BRSK2: variants seen among roughly 807,000 people sequenced by gnomAD.
BRSK2 encodes the protein serine/threonine-protein kinase BRSK2.
In BRSK2, 19 loss-of-function variants were observed where a neutral mutation model predicts 83.3. The observed-to-expected ratio is 0.23, with a 90% CI of 0.16 to 0.33. The LOEUF (loss-of-function observed/expected upper bound fraction) is 0.33. Among genes scored for constraint, BRSK2 ranks in the 10% least tolerant of loss-of-function variants. BRSK2 has a pLI of 1.00. For missense variants in BRSK2, 798 were observed against 1,042.3 expected (o/e 0.77, Z 3.23); for synonymous variants, 519 against 435.4 (o/e 1.19, Z -2.39).
chr11:1,402,138 C>A (rs575895312), intron 1 of BRSK2, among the ~76,000 whole-genome samples: 1 of 152,174 alleles, frequency 6.6e-6, no homozygotes, highest in Non-Finnish European at 1.5e-5. Flanking sequence ...GTGTGGGTGC[C>A]GGAGAGCAGG....
intron 1 of BRSK2, among the ~76,000 whole-genome samples, chr11:1,407,526 C>T (rs1846973823): frequency 6.6e-6 from 1 of 152,094 alleles, no homozygotes; most frequent in South Asian, 2.1e-4. Context: ...CCCAGGAGAC[C>T]CCTTCCTTCA....
chr11:1,419,288 A>C (rs1400247957), intron 1 of BRSK2, among the ~76,000 whole-genome samples: 1 of 151,344 alleles, frequency 6.6e-6, no homozygotes, highest in African/African-American at 2.4e-5. Flanking sequence ...GAGTCTGGGC[A>C]CCGGGGGGCC....
At chr11:1,437,665 C>A (rs1385190960) in intron 2 of BRSK2, among the ~76,000 whole-genome samples, 1 of 152,222 alleles carries the variant, frequency 6.6e-6, no homozygotes, top group African/African-American at 2.4e-5. Flanking sequence ...GGATGCCTGC[C>A]CCCACCTCAT....
At chr11:1,439,239 T>G (rs535526458) in intron 3 of BRSK2, among the ~76,000 whole-genome samples, 1 of 151,792 alleles carries the variant, frequency 6.6e-6, no homozygotes, top group Admixed American at 6.6e-5. Context: ...CAGCTCCCCT[T>G]CCCCCAGCAG....
In BRSK2 at chr11:1,406,585, C is replaced by T. The variant is rs56354630; in HGVS notation, c.91+16210C>T. On this transcript the variant is annotated intron_variant, in intron 1 of 19. Coordinates refer to ENST00000528841, the MANE Select transcript of BRSK2 (RefSeq NM_001256627.2). Reference sequence around the variant, plus strand: ...GCTGGTATTTGGCAACACAGGAGGGCGGGGGCCCAAACCCCTGCAGAGGAT... The same window carrying T: ...GCTGGTATTTGGCAACACAGGAGGGTGGGGGCCCAAACCCCTGCAGAGGAT... Among the ~76,000 whole-genome samples the T allele has an allele frequency of 9.4e-3, 1,430 of 152,294 alleles. 24 individuals carry two copies. The highest frequency in any genetic ancestry group is 0.032 in the African/African-American group (1,313 of 41,558).
intron 13 of BRSK2, 50 bp downstream of exon 13, chr11:1,449,886 C>G (rs777636637): frequency 1.4e-5 from 21 of 1,449,112 alleles, no homozygotes; most frequent in Non-Finnish European, 2.0e-5. Flanking sequence ...AGGCCCCAAC[C>G]CTCCCAGTCA....
chr11:1,443,019 T>C (rs1851565950), intron 5 of BRSK2, 87 bp from the exon 6 acceptor site: 1 of 1,431,296 alleles, frequency 7.0e-7, no homozygotes, highest in East Asian at 2.5e-5. Context: ...GGAGGCCTCC[T>C]TGAGGGCCCT....
chr11:1,413,451 G>A (rs1290462868), intron 1 of BRSK2, among the ~76,000 whole-genome samples: 1 of 152,180 alleles, frequency 6.6e-6, no homozygotes, highest in Non-Finnish European at 1.5e-5. Context: ...GTCCAGCCCT[G>A]AGGGCCCTGG....
Position 1,456,700 on chromosome 11 carries a change from C to T in BRSK2, c.1939+13C>T, listed in dbSNP as rs756496519. 3 of 1,578,458 alleles carry T rather than the reference C, an allele frequency of 1.9e-6. No individual in the cohort carries two copies. The highest frequency in any genetic ancestry group is 1.3e-5 in the African/African-American group (1 of 74,554). On this transcript the variant is annotated intron_variant, in intron 18 of 19. Transcript: ENST00000528841. ...CAGCACTTGTCAGGTGAGGCGGGCT[C>T]AGCTCCGGCCAACCTGCGGCCTGCG...
At chr11:1,437,736 C>T (rs1219608801) in intron 2 of BRSK2, among the ~76,000 whole-genome samples, 2 of 152,212 alleles carry the variant, frequency 1.3e-5, no homozygotes, top group Admixed American at 6.5e-5. Context: ...TAAGGAAGGG[C>T]GGAGCCCAGG....
intron 3 of BRSK2, among the ~76,000 whole-genome samples, chr11:1,439,192 C>G (rs1395927194): frequency 6.6e-6 from 1 of 152,140 alleles, no homozygotes; most frequent in Non-Finnish European, 1.5e-5. Flanking sequence ...GGGGGCTGCC[C>G]TCAGGGTGAG....
chr11:1,444,468 C>T (rs1851752553), intron 8 of BRSK2, among the ~76,000 whole-genome samples: 1 of 152,130 alleles, frequency 6.6e-6, no homozygotes, highest in Non-Finnish European at 1.5e-5. Context: ...GGCCGGCCCT[C>T]CCAGCCTCCT....
Position 1,425,660 on chromosome 11 carries a change from C to T in BRSK2, c.92-10380C>T, listed in dbSNP as rs528307874. Among the ~76,000 whole-genome samples the T allele has an allele frequency of 8.5e-5, 13 of 152,318 alleles. No individual in the cohort carries two copies. In the South Asian group the frequency reaches 1.7e-3, roughly 19 times the overall value. ...CAGCACCGAGGTCAGCAGCCCATCCCGAGCCCCCCACACCCCCGCTCGTCT... is the reference window on the plus strand; with the variant it reads ...CAGCACCGAGGTCAGCAGCCCATCCTGAGCCCCCCACACCCCCGCTCGTCT... On this transcript the variant is annotated intron_variant, in intron 1 of 19. Coordinates refer to ENST00000528841, the MANE Select transcript of BRSK2 (RefSeq NM_001256627.2).
chr11:1,459,119 T>C, intron 18 of BRSK2, 73 bp from the exon 19 acceptor site: 4 of 1,436,020 alleles, frequency 2.8e-6, no homozygotes, highest in Non-Finnish European at 1.9e-6. Context: ...ATCGAGGCTG[T>C]GGGCGTCCAG....
At chr11:1,446,563 T>G (rs1314966579) in intron 12 of BRSK2, among the ~76,000 whole-genome samples, 5 of 152,102 alleles carry the variant, frequency 3.3e-5, no homozygotes, top group Non-Finnish European at 7.4e-5. Context: ...CGTCTCTGGG[T>G]GGCAAGTGTG....
chr11:1,454,316 G>A lies in BRSK2; in HGVS notation c.1545-169G>A. On this transcript the variant is annotated intron_variant, in intron 15 of 19. Coordinates refer to ENST00000528841, the MANE Select transcript of BRSK2 (RefSeq NM_001256627.2). The surrounding 1 kb of genome is among the most constrained non-coding windows in gnomAD (Gnocchi z 5.2). ...TGATGGTCAGGGCATATGGGCTAGG[G>A]TTAGGGCGTTGGGGTCAGGGCCATG... is the stretch of plus-strand genomic sequence containing the variant. 6 of 747,250 alleles carry A rather than the reference G, an allele frequency of 8.0e-6. No individual in the cohort carries two copies. The highest frequency in any genetic ancestry group is 2.6e-5 in the East Asian group (1 of 38,644). The allele number at this position is 747,250 out of a possible 1,614,324, so 46.3% of individuals were successfully genotyped here.
At chr11:1,459,913 C>T (rs1847198066) in intron 19 of BRSK2, among the ~76,000 whole-genome samples, 1 of 152,316 alleles carries the variant, frequency 6.6e-6, no homozygotes, top group East Asian at 1.9e-4. Context: ...GGCTTCAGGC[C>T]TCTCTGGGGA....
chr11:1,420,933 C>T (rs374755310), intron 1 of BRSK2, among the ~76,000 whole-genome samples: 1 of 152,218 alleles, frequency 6.6e-6, no homozygotes, highest in Non-Finnish European at 1.5e-5. Context: ...AGGGCCCCCT[C>T]GGCCCTCTGG....
chr11:1,392,632 T>C (rs1019324254), intron 1 of BRSK2, among the ~76,000 whole-genome samples: 2 of 151,976 alleles, frequency 1.3e-5, no homozygotes, highest in African/African-American at 4.8e-5. Context: ...AAAGATGTGG[T>C]CCGAAACCTG....
Sources: gnomAD v4.1 joint callset for allele counts (sites outside exome capture counted in the v4.1 genomes callset) on GRCh38, gnomAD v4.1.1 for gene constraint, Gnocchi (gnomAD v3.1) non-coding constraint, MANE v1.5 for transcripts, NCBI Gene and HGNC (gene_info 2026-07-23, HGNC 2026-07-21) for gene names.